GPC5: variants seen among roughly 807,000 people sequenced by gnomAD.
The protein encoded by GPC5 is glypican-5.
GPC5 carries 47 observed loss-of-function variants against 53.9 expected under a neutral mutation model. That is an observed-to-expected ratio of 0.87 (90% CI 0.69 to 1.11). GPC5 has a LOEUF of 1.11. Among genes scored for constraint, GPC5 ranks in the 50% most tolerant of loss-of-function variants. The pLI, the probability that GPC5 is intolerant of heterozygous loss-of-function variation, is 0.00. For missense variants in GPC5, 748 were observed against 713.1 expected (o/e 1.05, Z -0.56); for synonymous variants, 286 against 263.3 (o/e 1.09, Z -0.84).
rs376031303 is a variant in GPC5 at position 92,264,876 on chromosome 13, CTCTG to C, written c.1561+119889_1561+119892del. On this transcript the variant is annotated intron_variant, in intron 7 of 7. Transcript: ENST00000377067. ...AGGGTCTCTCTCTCTCTCTCTCTCT[CTCTG>C]TGTGTGTGTGTGTGTGTGTGTGTGT... 3.4e-3 allele frequency among the ~76,000 whole-genome samples: 402 copies of C among 119,290 alleles called. 2 individuals are homozygous for C. The highest frequency in any genetic ancestry group is 0.012 in the African/African-American group (325 of 26,696). 78.3% of individuals were successfully genotyped at this position (119,290 alleles called of 152,430 possible). A position where few individuals can be genotyped will look rare whatever the true frequency, so the allele number is the denominator to read the frequency against.
intron 7 of GPC5, among the ~76,000 whole-genome samples, chr13:92,386,728 T>A (rs1433609737): frequency 6.6e-6 from 1 of 152,080 alleles, no homozygotes; most frequent in Non-Finnish European, 1.5e-5. Context: ...TAACAGGATA[T>A]TGATTTTGCA....
chr13:91,871,961 T>A (rs1268434997), intron 5 of GPC5, among the ~76,000 whole-genome samples: 5 of 151,908 alleles, frequency 3.3e-5, no homozygotes, highest in Admixed American at 1.3e-4. Flanking sequence ...AAGGCAAAAT[T>A]GCGGTGGAAA....
At chr13:92,646,541 CA>C (rs1885775853) in intron 7 of GPC5, among the ~76,000 whole-genome samples, 1 of 151,958 alleles carries the variant, frequency 6.6e-6, no homozygotes, top group Non-Finnish European at 1.5e-5. Flanking sequence ...CTTGTCAATT[CA>C]ACAAAAATAC....
intron 2 of GPC5, among the ~76,000 whole-genome samples, chr13:91,582,457 C>T (rs2139096581): frequency 6.6e-6 from 1 of 152,060 alleles, no homozygotes; most frequent in South Asian, 2.1e-4. Context: ...CATGAGAACA[C>T]TTGAAAACAT....
rs778916295 is a variant in GPC5 at position 91,450,390 on chromosome 13, G to A, written c.325+1468G>A. 5.3e-5 allele frequency among the ~76,000 whole-genome samples: 8 copies of A among 152,136 alleles called. No homozygotes were observed. In the East Asian group the frequency reaches 5.8e-4, roughly 11 times the overall value. On this transcript the variant is annotated intron_variant, in intron 2 of 7. Coordinates refer to ENST00000377067, the MANE Select transcript of GPC5 (RefSeq NM_004466.6). ...ATGAAATATACATTTTGGAGGCCAC[G>A]CAGTGGATATATCAGTCTGAGCAGA...
At chr13:92,362,847 T>C (rs2043579084) in intron 7 of GPC5, among the ~76,000 whole-genome samples, 1 of 151,786 alleles carries the variant, frequency 6.6e-6, no homozygotes, top group African/African-American at 2.4e-5. Context: ...AATATTACTT[T>C]AATGCAGGTT....
intron 6 of GPC5, among the ~76,000 whole-genome samples, chr13:92,059,463 T>C (rs936473684): frequency 1.3e-5 from 2 of 152,056 alleles, no homozygotes; most frequent in African/African-American, 4.8e-5. Flanking sequence ...AAGACATACA[T>C]ATAGCCATCT....
chr13:92,487,370 C>A (rs1203934307), intron 7 of GPC5, among the ~76,000 whole-genome samples: 1 of 152,096 alleles, frequency 6.6e-6, no homozygotes, highest in Non-Finnish European at 1.5e-5. Context: ...CTGGCACTGC[C>A]TGAAGGGAAT....
rs137878277 is a variant in GPC5, at chr13:91,475,032, C to T, written c.325+26110C>T. ...AATAAAAGGGTTGTAATATAAAGAA[C>T]GTTACTATAACTTAAAAATATTCTG... is the stretch of plus-strand genomic sequence containing the variant. On this transcript the variant is annotated intron_variant, in intron 2 of 7. Transcript: ENST00000377067. Among the ~76,000 whole-genome samples the T allele has an allele frequency of 9.9e-4, 150 of 152,184 alleles. 2 individuals carry two copies. The highest frequency in any genetic ancestry group is 3.3e-3 in the African/African-American group (139 of 41,516).
intron 6 of GPC5, among the ~76,000 whole-genome samples, chr13:92,071,883 G>A (rs2041214486): frequency 1.4e-5 from 2 of 144,520 alleles, no homozygotes; most frequent in African/African-American, 5.0e-5. Context: ...TATTATATAT[G>A]TATAAAATGT....
intron 7 of GPC5, among the ~76,000 whole-genome samples, chr13:92,317,067 C>T (rs1006253871): frequency 6.6e-6 from 1 of 152,094 alleles, no homozygotes; most frequent in Non-Finnish European, 1.5e-5. Flanking sequence ...TTCATAAATT[C>T]TCATATTTCT....
At position 91,579,212 on chromosome 13, in the gene GPC5, C is replaced by G. The variant is rs1257496866; in HGVS notation, c.326-113975C>G. ...CAACCAGAGAGCCATACAGGTTTCC[C>G]TCGGAGGTCAGGGCATTACATATCT... On this transcript the variant is annotated intron_variant, in intron 2 of 7. Transcript: ENST00000377067. Among the ~76,000 whole-genome samples, 11 of 152,254 alleles carry G rather than the reference C, an allele frequency of 7.2e-5. No homozygotes were observed. In the South Asian group the frequency reaches 1.2e-3, roughly 17 times the overall value.
At chr13:92,389,847 A>T (rs1440876108) in intron 7 of GPC5, among the ~76,000 whole-genome samples, 1 of 152,154 alleles carries the variant, frequency 6.6e-6, no homozygotes, top group Non-Finnish European at 1.5e-5. Flanking sequence ...CATCTTACTC[A>T]GTTTTTCAGT....
intron 7 of GPC5, among the ~76,000 whole-genome samples, chr13:92,765,776 G>C (rs565849858): frequency 2.2e-3 from 330 of 152,150 alleles, no homozygotes; most frequent in African/African-American, 7.5e-3. Context: ...CACTGTACTA[G>C]GTCAGAAAAC....
intron 7 of GPC5, among the ~76,000 whole-genome samples, chr13:92,540,983 C>T (rs1293477245): frequency 6.6e-6 from 1 of 151,718 alleles, no homozygotes; most frequent in African/African-American, 2.4e-5. Flanking sequence ...TACATAAACA[C>T]TCATAGAACT....
intron 6 of GPC5, among the ~76,000 whole-genome samples, chr13:92,124,823 A>G (rs943432662): frequency 2.6e-5 from 4 of 152,146 alleles, no homozygotes; most frequent in African/African-American, 9.7e-5. Context: ...ATAATAGAAG[A>G]AAGTAATAAT....
At chr13:92,588,644 C>T (rs1201035871) in intron 7 of GPC5, among the ~76,000 whole-genome samples, 1 of 152,180 alleles carries the variant, frequency 6.6e-6, no homozygotes, top group Non-Finnish European at 1.5e-5. Flanking sequence ...TTCTATGTGT[C>T]TGTTCTAATT....
At chr13:92,473,648 T>C (rs537265284) in intron 7 of GPC5, among the ~76,000 whole-genome samples, 59 of 152,302 alleles carry the variant, frequency 3.9e-4, no homozygotes, top group Admixed American at 7.9e-4. Flanking sequence ...ATTTAAGTTT[T>C]ATAATTTAGC....
intron 7 of GPC5, among the ~76,000 whole-genome samples, chr13:92,529,992 G>A (rs1881498063): frequency 6.6e-6 from 1 of 152,162 alleles, no homozygotes; most frequent in South Asian, 2.1e-4. Context: ...GCTGAGGCGG[G>A]GGAGGATGGC....
Sources: gnomAD v4.1 joint callset for allele counts (sites outside exome capture counted in the v4.1 genomes callset) on GRCh38, gnomAD v4.1.1 for gene constraint, MANE v1.5 for transcripts, NCBI Gene and HGNC (gene_info 2026-07-23, HGNC 2026-07-21) for gene names.